NELL1: variants seen among roughly 807,000 people sequenced by gnomAD.
The protein encoded by NELL1 is neural EGFL like 1.
Under a neutral mutation model 107.4 loss-of-function variants are expected in NELL1, and 76 were observed. That is an observed-to-expected ratio of 0.71 (90% CI 0.59 to 0.86). The LOEUF is 0.86. Among genes scored for constraint, NELL1 ranks in the 40% least tolerant of loss-of-function variants. NELL1 has a pLI of 0.00. For missense variants in NELL1, 1,024 were observed against 1,005.5 expected (o/e 1.02, Z -0.25); for synonymous variants, 353 against 341.2 (o/e 1.03, Z -0.38).
At position 21,390,510 on chromosome 11, in the gene NELL1, A is replaced by AACACACACACAC. The variant is rs60248049; in HGVS notation, c.1645+19579_1645+19590dup. 6.5e-3 allele frequency among the ~76,000 whole-genome samples: 926 copies of AACACACACACAC among 142,816 alleles called. 4 individuals are homozygous for AACACACACACAC. Among genetic ancestry groups the AACACACACACAC allele is most frequent in the Middle Eastern group, 0.029 (8 of 274 alleles). The allele number at this position is 142,816 out of a possible 152,430, so 93.7% of individuals were successfully genotyped here. Reference sequence around the variant, plus strand: ...CGCTCATCCACAGTGTGTGTGGATGAACACACACACACACACACACACACA... The same window carrying AACACACACACAC: ...CGCTCATCCACAGTGTGTGTGGATGAACACACACACACACACACACACACACACACACACACA... On this transcript the variant is annotated intron_variant, in intron 15 of 19. Transcript: ENST00000357134.
chr11:21,357,540 G>T (rs1180997408), intron 14 of NELL1, among the ~76,000 whole-genome samples: 1 of 152,052 alleles, frequency 6.6e-6, no homozygotes, highest in Non-Finnish European at 1.5e-5. Flanking sequence ...TCCTTGAAGA[G>T]TCTGGATAGT....
chr11:20,745,194 C>T (rs528365190), intron 2 of NELL1, among the ~76,000 whole-genome samples: 1 of 152,282 alleles, frequency 6.6e-6, no homozygotes, highest in South Asian at 2.1e-4. Context: ...TGGAACAGAA[C>T]TTGTCACATA....
intron 14 of NELL1, among the ~76,000 whole-genome samples, chr11:21,326,445 T>C (rs554483734): frequency 1.3e-5 from 2 of 152,186 alleles, no homozygotes; most frequent in South Asian, 4.1e-4. Context: ...TGTCTGTGTC[T>C]TCATTGTTAC....
intron 14 of NELL1, among the ~76,000 whole-genome samples, chr11:21,291,251 G>T (rs887399523): frequency 6.6e-6 from 1 of 152,088 alleles, no homozygotes; most frequent in African/African-American, 2.4e-5. Context: ...CATTATTAAC[G>T]ATATAATGAA....
At chr11:21,106,167 G>A (rs1229698528) in intron 12 of NELL1, among the ~76,000 whole-genome samples, 1 of 151,776 alleles carries the variant, frequency 6.6e-6, no homozygotes, top group Non-Finnish European at 1.5e-5. Flanking sequence ...TCTCTAAAAA[G>A]ATCAGAGACC....
At chr11:21,449,475 A>G (rs1853524466) in intron 15 of NELL1, among the ~76,000 whole-genome samples, 1 of 152,180 alleles carries the variant, frequency 6.6e-6, no homozygotes, top group Non-Finnish European at 1.5e-5. Context: ...GATATTTGAC[A>G]TATGAAAATA....
chr11:20,829,777 ATTAAG>A (rs768613547), intron 3 of NELL1, among the ~76,000 whole-genome samples: 9 of 152,004 alleles, frequency 5.9e-5, no homozygotes, highest in Non-Finnish European at 4.4e-5. Context: ...TTTCCTCATG[ATTAAG>A]TTATTATTAT....
chr11:20,967,193 T>C (rs1307338141), intron 12 of NELL1, among the ~76,000 whole-genome samples: 1 of 152,148 alleles, frequency 6.6e-6, no homozygotes, highest in African/African-American at 2.4e-5. Context: ...GCCCAGGGCA[T>C]AGGTATTTAC....
intron 4 of NELL1, among the ~76,000 whole-genome samples, chr11:20,873,089 A>G (rs1420452421): frequency 5.3e-5 from 8 of 152,176 alleles, no homozygotes; most frequent in Admixed American, 5.2e-4. Context: ...ATCTAGGTGA[A>G]TAATAATATG....
chr11:20,841,667 C>A lies in NELL1; in HGVS notation c.336-5916C>A, dbSNP rs1353563888. Among the ~76,000 whole-genome samples the A allele has an allele frequency of 4.6e-5, 7 of 152,170 alleles. No homozygotes were observed. The East Asian group carries it at 1.4e-3, about 29-fold the overall frequency. On this transcript the variant is annotated intron_variant, in intron 3 of 19. Transcript: ENST00000357134. ...TGGATCTCTTTTAGCCAGAGGAAAT[C>A]TTACAGGAAACTCCAATTTATGTAA... is the stretch of plus-strand genomic sequence containing the variant.
At chr11:20,910,962 A>C (rs1398926173) in intron 5 of NELL1, among the ~76,000 whole-genome samples, 2 of 152,250 alleles carry the variant, frequency 1.3e-5, no homozygotes, top group African/African-American at 4.8e-5. Context: ...TAAGCACATA[A>C]AAATGCATTT....
intron 2 of NELL1, among the ~76,000 whole-genome samples, chr11:20,695,394 G>A (rs1292668237): frequency 6.6e-6 from 1 of 152,078 alleles, no homozygotes; most frequent in Non-Finnish European, 1.5e-5. Context: ...AATGCTCCCA[G>A]CTTTTGCCTG....
In NELL1 at chr11:21,319,806, G is replaced by A. The variant is rs554660952; in HGVS notation, c.1550-51047G>A. ...CTACTAAAAATACATTTACTGAACA[G>A]AATTGATATAGGTAATGTGGAAGGT... On this transcript the variant is annotated intron_variant, in intron 14 of 19. Transcript: ENST00000357134. 7.6e-4 allele frequency among the ~76,000 whole-genome samples: 115 copies of A among 152,002 alleles called. 2 individuals are homozygous for A. The highest frequency in any genetic ancestry group is 2.7e-3 in the African/African-American group (111 of 41,356).
intron 11 of NELL1, among the ~76,000 whole-genome samples, chr11:20,949,992 G>T (rs951440525): frequency 2.0e-5 from 3 of 152,154 alleles, no homozygotes; most frequent in Non-Finnish European, 4.4e-5. Flanking sequence ...CTCTTTGACT[G>T]CTCTACATTT....
At chr11:21,286,518 A>G (rs575902464) in intron 14 of NELL1, among the ~76,000 whole-genome samples, 2 of 152,282 alleles carry the variant, frequency 1.3e-5, no homozygotes, top group African/African-American at 4.8e-5. Context: ...ACTTTAACCC[A>G]TACTATCCAC....
intron 5 of NELL1, among the ~76,000 whole-genome samples, chr11:20,907,207 T>C (rs1850018621): frequency 8.0e-6 from 1 of 125,298 alleles, no homozygotes; most frequent in South Asian, 2.6e-4. Flanking sequence ...GCTTGCATTT[T>C]ACAATGGATT....
At chr11:21,338,190 C>A (rs908204531) in intron 14 of NELL1, among the ~76,000 whole-genome samples, 3 of 152,114 alleles carry the variant, frequency 2.0e-5, no homozygotes, top group Non-Finnish European at 4.4e-5. Context: ...CATGCAATTT[C>A]GACAGGTGTT....
chr11:21,409,151 A>C (rs990088422), intron 15 of NELL1, among the ~76,000 whole-genome samples: 6 of 152,126 alleles, frequency 3.9e-5, no homozygotes, highest in African/African-American at 1.4e-4. Context: ...TTGCGGCACT[A>C]TTATCAATAG....
intron 5 of NELL1, among the ~76,000 whole-genome samples, chr11:20,900,298 G>A (rs1078171): frequency 0.57 from 85,952 of 152,116 alleles, 29,480 homozygotes; most frequent in Non-Finnish European, 0.77. Flanking sequence ...GCCTAGGCTT[G>A]AAACTTGCAC....
Sources: gnomAD v4.1 joint callset for allele counts (sites outside exome capture counted in the v4.1 genomes callset) on GRCh38, gnomAD v4.1.1 for gene constraint, MANE v1.5 for transcripts, NCBI Gene and HGNC (gene_info 2026-07-23, HGNC 2026-07-21) for gene names.